Variants in AP3B1 observed in about 807,000 individuals in gnomAD.
AP3B1 encodes the protein adaptor related protein complex 3 subunit beta 1.
In AP3B1, 61 loss-of-function variants were observed where a neutral mutation model predicts 132.5. The ratio of observed to expected loss-of-function variants is 0.46; its 90% CI spans 0.37 to 0.57. AP3B1 has a LOEUF of 0.57. Ranked by LOEUF, AP3B1 falls within the 20% of genes least tolerant of loss-of-function variation. AP3B1 has a pLI of 0.00. For synonymous variants in AP3B1, 388 were observed against 438.3 expected, an observed-to-expected ratio of 0.89 and a Z score of 1.43; for missense variants, 1,120 against 1,289.4, an observed-to-expected ratio of 0.87 and a Z score of 2.01.
At chr5:78,275,460 CACATCCATAA>C (rs1343996845) in intron 1 of AP3B1, among the ~76,000 whole-genome samples, 1 of 152,038 alleles carries the variant, frequency 6.6e-6, no homozygotes, top group Non-Finnish European at 1.5e-5. Context: ...AAGAAAAACA[CACATCCATAA>C]TCATGATAGG....
chr5:78,165,544 A>G (rs1306165834), intron 12 of AP3B1, 66 bp downstream of exon 12: 5 of 1,077,306 alleles, frequency 4.6e-6, no homozygotes, highest in Non-Finnish European at 7.1e-6. Context: ...CTAGATAGAA[A>G]AAGATGCATA....
intron 7 of AP3B1, among the ~76,000 whole-genome samples, chr5:78,210,874 A>G (rs1490044746): frequency 6.6e-6 from 1 of 152,102 alleles, no homozygotes; most frequent in South Asian, 2.1e-4. Flanking sequence ...AAGCAACTTT[A>G]GTCTTAGAGA....
rs78307887 is a variant in AP3B1 at position 78,141,626 on chromosome 5, T to C, written c.1474-307A>G. 0.023 allele frequency among the ~76,000 whole-genome samples: 3,557 copies of C among 152,278 alleles called. 156 individuals carry two copies. The highest frequency in any genetic ancestry group is 0.078 in the African/African-American group (3,257 of 41,552). On this transcript the variant is annotated intron_variant, in intron 14 of 26. Transcript: ENST00000255194. ...AAGCCAGTCTAGCTGCCCATACCTA[T>C]TTGTTTCTCCATTATCTGTTGCTGC... is the stretch of plus-strand genomic sequence containing the variant.
intron 1 of AP3B1, among the ~76,000 whole-genome samples, chr5:78,268,096 C>T (rs935755304): frequency 3.3e-5 from 5 of 152,054 alleles, no homozygotes; most frequent in African/African-American, 7.2e-5. Context: ...AAAAATACAG[C>T]TTGAAAATAT....
intron 8 of AP3B1, among the ~76,000 whole-genome samples, chr5:78,180,519 C>T (rs914699410): frequency 6.6e-6 from 1 of 151,918 alleles, no homozygotes; most frequent in African/African-American, 2.4e-5. Context: ...CCCAGAAGGA[C>T]ATTCTGCAAG....
chr5:78,186,061 T>C (rs1179954150), intron 7 of AP3B1, among the ~76,000 whole-genome samples: 4 of 151,974 alleles, frequency 2.6e-5, no homozygotes, highest in Non-Finnish European at 4.4e-5. Flanking sequence ...AATAATTAGA[T>C]TAAATGTAAA....
chr5:78,153,647 T>C (rs1487894624), intron 14 of AP3B1, among the ~76,000 whole-genome samples: 1 of 152,180 alleles, frequency 6.6e-6, no homozygotes, highest in Admixed American at 6.5e-5. Context: ...TTTCTTCCTG[T>C]TTTCCTTTTA....
intron 7 of AP3B1, among the ~76,000 whole-genome samples, chr5:78,193,542 A>G (rs1433198116): frequency 1.3e-5 from 2 of 151,460 alleles, no homozygotes; most frequent in South Asian, 2.1e-4. Flanking sequence ...CACAAAAGAG[A>G]ATTCTAATAT....
intron 17 of AP3B1, among the ~76,000 whole-genome samples, chr5:78,119,408 T>A (rs1266528896): frequency 6.6e-6 from 1 of 151,814 alleles, no homozygotes; most frequent in East Asian, 1.9e-4. Context: ...CAGGAGGAAA[T>A]ACAAACCAAT....
At chr5:78,051,719 G>A (rs2112125470) in intron 22 of AP3B1, among the ~76,000 whole-genome samples, 1 of 152,168 alleles carries the variant, frequency 6.6e-6, no homozygotes. Flanking sequence ...ATGAAAATCT[G>A]CAGTATATAA....
At chr5:78,114,818 C>T (rs1428083297) in intron 18 of AP3B1, among the ~76,000 whole-genome samples, 2 of 152,286 alleles carry the variant, frequency 1.3e-5, no homozygotes, top group Non-Finnish European at 2.9e-5. Flanking sequence ...TGTTTTAAGA[C>T]GGCTTACAAG....
At chr5:78,010,322 C>G (rs765838109) in intron 26 of AP3B1, among the ~76,000 whole-genome samples, 1 of 152,188 alleles carries the variant, frequency 6.6e-6, no homozygotes, top group African/African-American at 2.4e-5. Flanking sequence ...CTGTGGACTT[C>G]GGAACATTTG....
At chr5:78,153,373 G>A (rs1359653670) in intron 14 of AP3B1, among the ~76,000 whole-genome samples, 1 of 151,416 alleles carries the variant, frequency 6.6e-6, no homozygotes, top group Admixed American at 6.6e-5. Flanking sequence ...AGCAACACCT[G>A]CTCTTTTTTG....
chr5:78,254,097 T>A (rs1019761302), intron 2 of AP3B1, among the ~76,000 whole-genome samples: 1 of 151,824 alleles, frequency 6.6e-6, no homozygotes, highest in African/African-American at 2.4e-5. Flanking sequence ...ATCAGCAGAA[T>A]TGATCAAGCA....
At chr5:78,115,749 T>C (rs943009663) in intron 18 of AP3B1, among the ~76,000 whole-genome samples, 3 of 152,140 alleles carry the variant, frequency 2.0e-5, no homozygotes, top group Non-Finnish European at 2.9e-5. Context: ...CTCTTCAAGG[T>C]ATAAAATAAA....
At chr5:78,243,057 T>C (rs993791987) in intron 2 of AP3B1, among the ~76,000 whole-genome samples, 5 of 152,244 alleles carry the variant, frequency 3.3e-5, no homozygotes, top group Admixed American at 3.3e-4. Flanking sequence ...TTCTATATGA[T>C]AGCCTTAAAA....
At chr5:78,117,992 T>TAC (rs1751936150) in intron 17 of AP3B1, among the ~76,000 whole-genome samples, 1 of 152,232 alleles carries the variant, frequency 6.6e-6, no homozygotes, top group South Asian at 2.1e-4. Context: ...TAAAGGAGTC[T>TAC]ACAGCATGAC....
intron 11 of AP3B1, among the ~76,000 whole-genome samples, chr5:78,172,590 A>T (rs955087293): frequency 1.3e-5 from 2 of 152,216 alleles, no homozygotes; most frequent in African/African-American, 2.4e-5. Context: ...TATCTCCTTT[A>T]TCATTTTTTA....
At chr5:78,174,981 T>C (rs1181909422) in intron 11 of AP3B1, among the ~76,000 whole-genome samples, 2 of 152,258 alleles carry the variant, frequency 1.3e-5, no homozygotes, top group East Asian at 3.8e-4. Context: ...CTAAGGCTGC[T>C]GCGCTAGCAG....
Sources: allele counts gnomAD v4.1 joint callset (sites outside exome capture counted in the v4.1 genomes callset), GRCh38; gene constraint gnomAD v4.1.1; transcripts MANE v1.5; gene names NCBI Gene and HGNC (gene_info 2026-07-23, HGNC 2026-07-21).